The following SF1 variants were observed in gnomAD, a reference collection of about 807,000 sequenced individuals.
SF1 encodes branch point-binding protein.
A neutral mutation model predicts 62.5 loss-of-function variants in SF1; 7 were observed. That is an observed-to-expected ratio of 0.11 (90% CI 0.06 to 0.21). The LOEUF (loss-of-function observed/expected upper bound fraction) is 0.21. SF1 is among the 10% of genes least tolerant of loss of function. The pLI is 1.00. For synonymous variants in SF1, 394 were observed against 323.6 expected (o/e 1.22, Z -2.33); for missense variants, 578 against 884.0 (o/e 0.65, Z 4.39).
rs1165176952 is a variant in SF1, at chr11:64,765,257, C to T, written c.*561G>A. The T allele has an allele frequency of 1.1e-4, 56 of 516,838 alleles. No homozygotes were observed. The East Asian group carries it at 1.3e-3, about 12-fold the overall frequency. 32.0% of individuals were successfully genotyped at this position (516,838 alleles called of 1,614,324 possible). ...AGGAATCTAAATTGCAGCAGAAGACCGGGGAGAGCATCTCCTTGGACGGAG... is the reference window on the plus strand; with the variant it reads ...AGGAATCTAAATTGCAGCAGAAGACTGGGGAGAGCATCTCCTTGGACGGAG... On this transcript the variant is annotated 3_prime_UTR_variant, in exon 13 of 13. Coordinates refer to ENST00000377390, the MANE Select transcript of SF1 (RefSeq NM_004630.4).
chr11:64,773,328 T>C (rs77231260), intron 3 of SF1, 102 bp downstream of exon 3: 54,219 of 1,538,214 alleles, frequency 0.035, 1,109 homozygotes, highest in Non-Finnish European at 0.042. Context: ...ACAGTCGTCA[T>C]ACTATGATTT....
intron 3 of SF1, among the ~76,000 whole-genome samples, chr11:64,771,249 A>C (rs1294280310): frequency 8.5e-5 from 13 of 152,198 alleles, no homozygotes. Context: ...TGCTACAAGT[A>C]AAAAAATGTA....
intron 3 of SF1, chr11:64,772,337 A>C (rs569073852): frequency 1.2e-4 from 117 of 980,566 alleles, no homozygotes; most frequent in Non-Finnish European, 1.3e-4. Context: ...AAAAAAAAAA[A>C]TCTTCAAAAA....
rs748632462 is a variant in SF1, at chr11:64,767,056, C to T, written c.1426G>A (p.Gly476Ser). ...GGCGGCGGCGGCGGCGGCATCATGC[C>T]CATAGGTGGTGGCGGCATCATACCT... Reference protein sequence around the residue: ...GKGMMPPPPMGMMPPPPPPPS... With the variant: ...GKGMMPPPPMSMMPPPPPPPS... Residue 476 changes from glycine to serine, a missense_variant, in exon 12 of 13, where the codon GGC becomes AGC. Physicochemically the swap from Gly to Ser is moderately conservative, Grantham distance 56. Coordinates refer to ENST00000377390, the MANE Select transcript of SF1 (RefSeq NM_004630.4). 3.8e-6 allele frequency: 6 copies of T among 1,579,162 alleles called. No individual in the cohort carries two copies. The South Asian group carries it at 5.8e-5, about 15-fold the overall frequency.
intron 8 of SF1, among the ~76,000 whole-genome samples, chr11:64,768,716 A>C (rs1469123170): frequency 6.6e-6 from 1 of 152,228 alleles, no homozygotes; most frequent in Non-Finnish European, 1.5e-5. Flanking sequence ...CTGGTCAGAA[A>C]TCTGTAGAGA....
At position 64,778,343 on chromosome 11, in the gene SF1, C is replaced by G; in HGVS notation, c.31+19G>C. 8.2e-7 allele frequency: 1 copy of G among 1,226,084 alleles called. No individual in the cohort carries two copies. Among genetic ancestry groups the G allele is most frequent in the South Asian group, 4.1e-5 (1 of 24,578 alleles). 76.0% of individuals were successfully genotyped at this position (1,226,084 alleles called of 1,614,324 possible). A position where few individuals can be genotyped will look rare whatever the true frequency, so the allele number is the denominator to read the frequency against. ...TTTGGGCCCGGGGAGCGGGGGCAGC[C>G]CGGGGGGGCCCAGCTTACCCAACGG... On this transcript the variant is annotated intron_variant, in intron 1 of 12. Transcript: ENST00000377390.
rs1426511458 is a variant in SF1, at chr11:64,767,928, A to G, written c.1069-84T>C. On this transcript the variant is annotated intron_variant, in intron 9 of 12. Coordinates refer to ENST00000377390, the MANE Select transcript of SF1 (RefSeq NM_004630.4). ...TCTTCGGGTTATGACACAGGACCAG[A>G]ACACAAGAACAAGGTCTTCCCGAAG... The G allele has an allele frequency of 2.0e-6, 3 of 1,535,616 alleles. No individual in the cohort carries two copies. The African/African-American group carries it at 4.2e-5, about 21-fold the overall frequency.
At chr11:64,767,316 T>G (rs762989554) in intron 10 of SF1, 65 bp from the exon 11 acceptor site, 1 of 1,485,152 alleles carries the variant, frequency 6.7e-7, no homozygotes, top group African/African-American at 1.4e-5. Context: ...GCCACCCCTG[T>G]GATAACCTCA....
chr11:64,768,608 T>C (rs905774973), intron 8 of SF1, among the ~76,000 whole-genome samples: 4 of 152,244 alleles, frequency 2.6e-5, no homozygotes, highest in South Asian at 2.1e-4. Flanking sequence ...GGAAAATCTA[T>C]GCAAGACTGG....
At position 64,769,023 on chromosome 11, in the gene SF1, T is replaced by TTTGGAA; in HGVS notation, c.880_885dup (p.Phe294_Gln295dup). The stretch of plus-strand genomic sequence containing the variant: ...AAACCGCAAGAGCCAGCCCCTCACC[T>TTTGGAA]TTGGAATTTACAGTCTGAAGCAATG... On this transcript the variant is annotated inframe_insertion and splice_region_variant, in exon 8 of 13. Transcript: ENST00000377390. 6.2e-7 allele frequency: 1 copy of TTTGGAA among 1,609,492 alleles called. No individual in the cohort carries two copies. Among genetic ancestry groups the TTTGGAA allele is most frequent in the Non-Finnish European group, 8.5e-7 (1 of 1,175,800 alleles).
Position 64,776,494 on chromosome 11 carries a change from T to C in SF1, c.160+4A>G, listed in dbSNP as rs1365846000. 1 of 1,565,242 alleles carries C rather than the reference T, an allele frequency of 6.4e-7. No individual in the cohort carries two copies. Among genetic ancestry groups the C allele is most frequent in the African/African-American group, 1.4e-5 (1 of 71,958 alleles). Reference sequence around the variant, plus strand: ...GTGCATTTGGATGCAGAACGTATATTTACCTATATAAGCTCTTTCTTGTTC... The same window carrying C: ...GTGCATTTGGATGCAGAACGTATATCTACCTATATAAGCTCTTTCTTGTTC... On this transcript the variant is annotated splice_donor_region_variant and intron_variant, in intron 2 of 12. Transcript: ENST00000377390.
Position 64,778,540 on chromosome 11 carries a change from C to T in SF1, c.-148G>A, listed in dbSNP as rs916993606. On this transcript the variant is annotated 5_prime_UTR_variant, in exon 1 of 13. Coordinates refer to ENST00000377390, the MANE Select transcript of SF1 (RefSeq NM_004630.4). ...CGGCGGGCGGCGGCGGCGCGAGACGCACAAAGAGGGAGGAGAGAGGGCACC... is the reference window on the plus strand; with the variant it reads ...CGGCGGGCGGCGGCGGCGCGAGACGTACAAAGAGGGAGGAGAGAGGGCACC... 50 of 1,183,354 alleles carry T rather than the reference C, an allele frequency of 4.2e-5. No individual in the cohort carries two copies. In the East Asian group the frequency reaches 1.3e-3, roughly 31 times the overall value. The allele number at this position is 1,183,354 out of a possible 1,614,324, so 73.3% of individuals were successfully genotyped here.
In SF1 at chr11:64,768,229, G is replaced by A. The variant is rs372265886; in HGVS notation, c.945C>T (p.Ser315=). The A allele has an allele frequency of 1.7e-5, 28 of 1,613,732 alleles. No individual in the cohort carries two copies. Among genetic ancestry groups the A allele is most frequent in the Non-Finnish European group, 2.2e-5 (26 of 1,179,908 alleles). Residue 315 remains serine (S), a synonymous_variant, in exon 9 of 13, where the codon TCC becomes TCT. Coordinates refer to ENST00000377390, the MANE Select transcript of SF1 (RefSeq NM_004630.4). ...GTGCTTCACCCAGTTCAGCCATGAG[G>A]GACAAATATTCTTTATCCATCCGTG... The part of the protein sequence containing the change: ...DKARMDKEYL[S]LMAELGEAPV...
intron 3 of SF1, 179 bp downstream of exon 3, chr11:64,773,251 A>C (rs766774742): frequency 7.1e-7 from 1 of 1,411,106 alleles, no homozygotes; most frequent in African/African-American, 1.5e-5. Context: ...GTTTTATTCC[A>C]ATTTTCTAAC....
chr11:64,767,475 C>T, intron 10 of SF1, 96 bp downstream of exon 10: 1 of 1,316,228 alleles, frequency 7.6e-7, no homozygotes, highest in South Asian at 1.4e-5. Flanking sequence ...AGCACATTGC[C>T]CAGCCACTTG....
chr11:64,765,837 G>A lies in SF1; in HGVS notation c.1901C>T (p.Pro634Leu), dbSNP rs755326932. The change falls in exon 13 of 13, where the codon CCG (proline) becomes CTG (leucine). Residue 634 changes from proline (P) to leucine (L), a missense_variant. Around this residue, in one of 7 missense-constraint regions of SF1, gnomAD observed 410 missense variants for 452.4 expected, o/e 0.91. Transcript: ENST00000377390. ...PPFGMPPAPP[P>L]PPPQN ...ACAAGTCTAGTTCTGTGGTGGAGGCGGTGGGGGAGCTGGAGGCATCCCGAA... is the reference window on the plus strand; with the variant it reads ...ACAAGTCTAGTTCTGTGGTGGAGGCAGTGGGGGAGCTGGAGGCATCCCGAA... 5.2e-6 allele frequency: 8 copies of A among 1,552,530 alleles called. No individual in the cohort carries two copies. In the African/African-American group the frequency reaches 6.8e-5, roughly 13 times the overall value.
chr11:64,776,688 G>T (rs759403750), intron 1 of SF1, 62 bp from the exon 2 acceptor site: 43 of 1,515,262 alleles, frequency 2.8e-5, no homozygotes, highest in Non-Finnish European at 3.6e-5. Flanking sequence ...AGACAGCTAA[G>T]GGTATTTAAG....
Position 64,769,043 on chromosome 11 carries a change from G to A in SF1, c.866C>T (p.Ala289Val). The A allele has an allele frequency of 6.2e-7, 1 of 1,613,026 alleles. No individual in the cohort carries two copies. The highest frequency in any genetic ancestry group is 8.5e-7 in the Non-Finnish European group (1 of 1,178,978). The stretch of plus-strand genomic sequence containing the variant: ...TCACCTTTGGAATTTACAGTCTGAA[G>A]CAATGTGGCCAGCCCCTCCACACTT... ...CTKCGGAGHI[A>V]SDCKFQRPGD... is the part of the protein sequence containing the mutation. The change falls in exon 8 of 13, where the codon GCT becomes GTT. Residue 289 changes from alanine to valine, a missense_variant. By Grantham distance (64) the Ala-to-Val change is moderately conservative. Coordinates refer to ENST00000377390, the MANE Select transcript of SF1 (RefSeq NM_004630.4).
chr11:64,774,664 C>T (rs184911878), intron 2 of SF1, among the ~76,000 whole-genome samples: 50 of 152,146 alleles, frequency 3.3e-4, no homozygotes, highest in African/African-American at 1.2e-3. Context: ...CCATTATTAT[C>T]GAAAGAAAAT....
Sources: allele counts gnomAD v4.1 joint callset (sites outside exome capture counted in the v4.1 genomes callset), GRCh38; gene constraint gnomAD v4.1.1; regional missense constraint gnomAD v4.1.1; transcripts MANE v1.5; gene names NCBI Gene and HGNC (gene_info 2026-07-23, HGNC 2026-07-21).